XPA: variants seen among roughly 807,000 people sequenced by gnomAD.
The protein encoded by XPA is XPA, DNA damage recognition and repair factor, also known as DNA repair protein complementing XP-A cells.
A neutral mutation model predicts 35.7 loss-of-function variants in XPA; 27 were observed. The ratio of observed to expected loss-of-function variants is 0.76; its 90% CI spans 0.56 to 1.04. The LOEUF is 1.04. XPA is among the 50% of genes least tolerant of loss of function. The probability of loss-of-function intolerance (pLI) is 0.00; values close to 1 mark genes in which losing one functional copy is unlikely to be tolerated. For missense variants in XPA, 354 were observed against 342.7 expected (o/e 1.03, Z -0.26); for synonymous variants, 133 against 118.4 (o/e 1.12, Z -0.80).
At chr9:97,688,817 G>C (rs1457778125) in intron 3 of XPA, among the ~76,000 whole-genome samples, 1 of 151,396 alleles carries the variant, frequency 6.6e-6, no homozygotes, top group Non-Finnish European at 1.5e-5. Flanking sequence ...GACTCTGAAA[G>C]GGCAGGTCCT....
intron 5 of XPA, among the ~76,000 whole-genome samples, chr9:97,680,916 C>A (rs977149685): frequency 2.0e-5 from 3 of 152,176 alleles, no homozygotes; most frequent in African/African-American, 7.2e-5. Context: ...TGGTTTACCA[C>A]GTTCCAACCT....
At chr9:97,675,864 G>A (rs562575887) in intron 5 of XPA, 7 of 492,806 alleles carry the variant, frequency 1.4e-5, no homozygotes, top group South Asian at 1.1e-4. Context: ...ATGCAAAACA[G>A]AACCATATTC....
chr9:97,672,981 A>T (rs1164841751), downstream of XPA: 1 of 152,352 alleles, frequency 6.6e-6, no homozygotes, highest in Non-Finnish European at 1.5e-5. Context: ...ACAAAAACTT[A>T]GCCAGGCGTG....
intron 5 of XPA, among the ~76,000 whole-genome samples, chr9:97,684,216 T>G (rs1828635216): frequency 6.6e-6 from 1 of 152,226 alleles, no homozygotes; most frequent in African/African-American, 2.4e-5. Flanking sequence ...GCCTGGCACA[T>G]AGCTGACACT....
At chr9:97,684,757 G>A (rs1038861828) in intron 5 of XPA, among the ~76,000 whole-genome samples, 166 bp downstream of exon 5, 2 of 152,160 alleles carry the variant, frequency 1.3e-5, no homozygotes, top group African/African-American at 4.8e-5. Context: ...TTTGAGCTTA[G>A]TGCCTTGAAG....
At chr9:97,688,933 G>A (rs555585405) in intron 3 of XPA, among the ~76,000 whole-genome samples, 23 of 152,036 alleles carry the variant, frequency 1.5e-4, no homozygotes, top group Non-Finnish European at 2.9e-4. Context: ...ATGTGCAAAA[G>A]ATATCAACAC....
At chr9:97,676,294 T>C (rs1236303144) in intron 5 of XPA, among the ~76,000 whole-genome samples, 1 of 152,256 alleles carries the variant, frequency 6.6e-6, no homozygotes, top group Non-Finnish European at 1.5e-5. Flanking sequence ...ACACTGGTCA[T>C]ATTCTAATGT....
At chr9:97,691,969 A>C (rs1828905660) in intron 2 of XPA, among the ~76,000 whole-genome samples, 1 of 150,772 alleles carries the variant, frequency 6.6e-6, no homozygotes, top group South Asian at 2.1e-4. Context: ...TCCAACTCTC[A>C]GAACTGCCAC....
the XPA span, chr9:97,663,086 G>A: frequency 6.9e-7 from 1 of 1,452,894 alleles, no homozygotes; most frequent in Non-Finnish European, 9.6e-7. Context: ...AGCTCTGATT[G>A]TATGGGTATA....
intron 2 of XPA, among the ~76,000 whole-genome samples, chr9:97,692,552 T>C (rs1282746539): frequency 6.6e-6 from 1 of 152,156 alleles, no homozygotes; most frequent in Non-Finnish European, 1.5e-5. Flanking sequence ...CAGGATGCAT[T>C]AGAATGAAGA....
chr9:97,678,347 G>A (rs1383082839), intron 5 of XPA, among the ~76,000 whole-genome samples: 4 of 152,176 alleles, frequency 2.6e-5, no homozygotes, highest in Non-Finnish European at 5.9e-5. Flanking sequence ...GTTGCAGTGA[G>A]CTGAGGTTGC....
Position 97,687,125 on chromosome 9 carries a change from C to A in XPA, c.526G>T (p.Gly176Cys). ...AACTTTAAGTAGAGTTTCATATCAC[C>A]CCATTGTGAATGATGTGGATTCTTC... The part of the protein sequence containing the change: ...VKKNPHHSQW[G>C]DMKLYLKLQI... The change falls in exon 4 of 6, where the codon GGT becomes TGT. Residue 176 changes from glycine (G) to cysteine (C), a missense_variant. By Grantham distance (159) the Gly-to-Cys change is radical. Coordinates refer to ENST00000375128, the MANE Select transcript of XPA (RefSeq NM_000380.4). The A allele has an allele frequency of 6.2e-7, 1 of 1,611,918 alleles. No individual in the cohort carries two copies. The highest frequency in any genetic ancestry group is 8.5e-7 in the Non-Finnish European group (1 of 1,179,352).
At chr9:97,671,266 G>T, downstream of XPA, 1 of 1,163,990 alleles carries the variant, frequency 8.6e-7, no homozygotes. Flanking sequence ...ATTTTTTGAT[G>T]GTTTGAATGC....
At chr9:97,691,178 T>G (rs1828876262) in intron 2 of XPA, among the ~76,000 whole-genome samples, 1 of 152,200 alleles carries the variant, frequency 6.6e-6, no homozygotes, top group Non-Finnish European at 1.5e-5. Flanking sequence ...GAAAAAAATT[T>G]TGTCTCCCTC....
At chr9:97,690,446 G>A (rs1375319492) in intron 2 of XPA, among the ~76,000 whole-genome samples, 2 of 152,066 alleles carry the variant, frequency 1.3e-5, no homozygotes, top group Admixed American at 1.3e-4. Context: ...TTAGTGCAGT[G>A]GTGCAATCTC....
chr9:97,679,026 G>A (rs1828457296), intron 5 of XPA, among the ~76,000 whole-genome samples: 1 of 152,168 alleles, frequency 6.6e-6, no homozygotes, highest in Admixed American at 6.6e-5. Flanking sequence ...TCCTAGACTG[G>A]ATTCTGTTCT....
At chr9:97,664,567 G>A in the XPA span, 1 of 616,706 alleles carries the variant, frequency 1.6e-6, no homozygotes, top group Non-Finnish European at 2.8e-6. Context: ...GGTCCAATCT[G>A]GTAGGATTGG....
chr9:97,660,012 C>G, the XPA span, among the ~76,000 whole-genome samples: 1 of 152,172 alleles, frequency 6.6e-6, no homozygotes, highest in South Asian at 2.1e-4. Flanking sequence ...AGATTCTAGC[C>G]CAAGCTCAAT....
chr9:97,697,177 CGCA>C lies in XPA; in HGVS notation c.113_115del (p.Leu38del). 1 of 1,589,650 alleles carries C rather than the reference CGCA, an allele frequency of 6.3e-7. No homozygotes were observed. The highest frequency in any genetic ancestry group is 1.1e-5 in the South Asian group (1 of 89,456). On this transcript the variant is annotated inframe_deletion, in exon 1 of 6. Coordinates refer to ENST00000375128, the MANE Select transcript of XPA (RefSeq NM_000380.4). The stretch of plus-strand genomic sequence containing the variant: ...GGGCCGGGCAGCCAGCCGGGCCTGG[CGCA>C]GCATCAGTGCCCGCTGCCGCTTCCG...
Sources: allele counts gnomAD v4.1 joint callset (sites outside exome capture counted in the v4.1 genomes callset), GRCh38; gene constraint gnomAD v4.1.1; transcripts MANE v1.5; gene names NCBI Gene and HGNC (gene_info 2026-07-23, HGNC 2026-07-21).